APPBP2: variants seen among roughly 807,000 people sequenced by gnomAD.
The protein encoded by APPBP2 is amyloid beta precursor protein binding protein 2.
In APPBP2, 15 loss-of-function variants were observed where a neutral mutation model predicts 76.0. The ratio of observed to expected loss-of-function variants is 0.20; its 90% CI spans 0.13 to 0.30. The LOEUF is 0.30. Among genes scored for constraint, APPBP2 ranks in the 10% least tolerant of loss-of-function variants. APPBP2 has a pLI of 1.00. For synonymous variants in APPBP2, 222 were observed against 242.2 expected (o/e 0.92, Z 0.77); for missense variants, 401 against 687.2 (o/e 0.58, Z 4.66).
chr17:60,526,020 G>A lies in APPBP2; in HGVS notation c.-89C>T, dbSNP rs1439536362. 7.5e-7 allele frequency: 1 copy of A among 1,330,780 alleles called. No homozygotes were observed. Among genetic ancestry groups the A allele is most frequent in the African/African-American group, 1.5e-5 (1 of 67,326 alleles). The allele number at this position is 1,330,780 out of a possible 1,614,324, so 82.4% of individuals were successfully genotyped here. On this transcript the variant is annotated 5_prime_UTR_variant, in exon 1 of 13. Transcript: ENST00000083182. ...AGCGAACCCCTCTGCGGCCCCGGAG[G>A]ATTCGGAGGGGCGGTGGCAGCCACG...
At chr17:60,448,222 C>T (rs568798425) in intron 12 of APPBP2, among the ~76,000 whole-genome samples, 29 of 152,154 alleles carry the variant, frequency 1.9e-4, no homozygotes, top group Non-Finnish European at 3.2e-4. Context: ...GTGGGTGGAT[C>T]ACCTGAGGTC....
At chr17:60,489,243 G>T (rs1408962950) in intron 3 of APPBP2, among the ~76,000 whole-genome samples, 1 of 151,148 alleles carries the variant, frequency 6.6e-6, no homozygotes, top group Non-Finnish European at 1.5e-5. Flanking sequence ...AAGAAATAAT[G>T]AGGGTCCTTT....
intron 1 of APPBP2, among the ~76,000 whole-genome samples, chr17:60,510,977 A>G (rs1193336457): frequency 1.3e-5 from 2 of 152,124 alleles, no homozygotes; most frequent in African/African-American, 4.8e-5. Flanking sequence ...GGTTAAAAGA[A>G]TGAACTTATG....
intron 3 of APPBP2, among the ~76,000 whole-genome samples, chr17:60,480,370 T>C (rs2090619739): frequency 6.6e-6 from 1 of 152,128 alleles, no homozygotes; most frequent in African/African-American, 2.4e-5. Context: ...CAGCCAGACC[T>C]TGTCTCAAAC....
In APPBP2 at chr17:60,445,442, A is replaced by C. The variant is rs2143264429; in HGVS notation, c.*2139T>G. 1 of 148,624 alleles carries C rather than the reference A, an allele frequency of 6.7e-6. No individual in the cohort carries two copies. The highest frequency in any genetic ancestry group is 1.9e-4 in the East Asian group (1 of 5,190). The allele number at this position is 148,624 out of a possible 1,614,324, so 9.2% of individuals were successfully genotyped here. A position where few individuals can be genotyped will look rare whatever the true frequency, so the allele number is the denominator to read the frequency against. On this transcript the variant is annotated 3_prime_UTR_variant, in exon 13 of 13. Coordinates refer to ENST00000083182, the MANE Select transcript of APPBP2 (RefSeq NM_006380.5). ...ATGTGCACAAAACCAAAAAATACAGATTGAAAAAAAAACTTCATATGGAAA... is the reference window on the plus strand; with the variant it reads ...ATGTGCACAAAACCAAAAAATACAGCTTGAAAAAAAAACTTCATATGGAAA...
intron 2 of APPBP2, among the ~76,000 whole-genome samples, chr17:60,499,345 A>T (rs373071123): frequency 3.4e-4 from 51 of 152,026 alleles, no homozygotes; most frequent in African/African-American, 1.2e-3. Flanking sequence ...AAAAAAAAAA[A>T]ATATGGAAAA....
Position 60,525,739 on chromosome 17 carries a change from G to C in APPBP2, c.138+55C>G. ...GCGGGGGTTCGCAGACGTGGAAGGG[G>C]GTGCGGCCCCCGGGGTTGCTGGAGG... On this transcript the variant is annotated intron_variant, in intron 1 of 12. Coordinates refer to ENST00000083182, the MANE Select transcript of APPBP2 (RefSeq NM_006380.5). The C allele has an allele frequency of 2.5e-6, 4 of 1,608,964 alleles. 1 individual carries two copies. The South Asian group carries it at 4.4e-5, about 18-fold the overall frequency.
intron 1 of APPBP2, among the ~76,000 whole-genome samples, chr17:60,500,903 T>C (rs1022798801): frequency 1.3e-5 from 2 of 152,206 alleles, no homozygotes; most frequent in Admixed American, 6.5e-5. Flanking sequence ...CAGTCCTGGT[T>C]ATAACACGTC....
intron 1 of APPBP2, among the ~76,000 whole-genome samples, chr17:60,518,678 T>C (rs2090984665): frequency 6.6e-6 from 1 of 152,010 alleles, no homozygotes; most frequent in African/African-American, 2.4e-5. Flanking sequence ...TAATTTTTAA[T>C]TTTTTTGTAG....
At chr17:60,484,541 A>G (rs2090657457) in intron 3 of APPBP2, among the ~76,000 whole-genome samples, 1 of 152,290 alleles carries the variant, frequency 6.6e-6, no homozygotes, top group East Asian at 1.9e-4. Flanking sequence ...TTATTGGTGC[A>G]TAAGAATGCT....
At chr17:60,484,991 T>C (rs2090661731) in intron 3 of APPBP2, among the ~76,000 whole-genome samples, 1 of 152,228 alleles carries the variant, frequency 6.6e-6, no homozygotes, top group Non-Finnish European at 1.5e-5. Context: ...TGGTTCTGTT[T>C]ATGTTATGGA....
chr17:60,462,374 G>T, intron 6 of APPBP2: 1 of 239,506 alleles, frequency 4.2e-6, no homozygotes, highest in Non-Finnish European at 7.9e-6. Context: ...TAAAACAATG[G>T]GGGCAGAATT....
chr17:60,462,945 T>C (rs1253985999), intron 6 of APPBP2, among the ~76,000 whole-genome samples: 1 of 128,294 alleles, frequency 7.8e-6, no homozygotes, highest in Admixed American at 8.2e-5. Flanking sequence ...CAAGACTCCA[T>C]CTCAAAAAAA....
In APPBP2 at chr17:60,447,847, AG is replaced by A. The variant is rs1598343689; in HGVS notation, c.1505-14del. The A allele has an allele frequency of 1.9e-6, 3 of 1,555,742 alleles. No individual in the cohort carries two copies. The highest frequency in any genetic ancestry group is 2.3e-5 in the East Asian group (1 of 44,304). On this transcript the variant is annotated splice_polypyrimidine_tract_variant and intron_variant, in intron 12 of 12. Transcript: ENST00000083182. ...AAAAGTTTCTTCCCTGTAACAAAAA[AG>A]AAAAAGGAAAAAAAAAAAAGCACAA...
chr17:60,466,478 A>G lies in APPBP2; in HGVS notation c.504-19T>C, dbSNP rs764621930. The stretch of plus-strand genomic sequence containing the variant: ...AAGCAACCTATAAAACACCAATAAC[A>G]TTGCTCTATTTTTGATATTTTCAGC... On this transcript the variant is annotated intron_variant, in intron 4 of 12. Coordinates refer to ENST00000083182, the MANE Select transcript of APPBP2 (RefSeq NM_006380.5). 6 of 1,604,854 alleles carry G rather than the reference A, an allele frequency of 3.7e-6. No individual in the cohort carries two copies. The highest frequency in any genetic ancestry group is 1.7e-5 in the Admixed American group (1 of 59,694).
chr17:60,454,628 A>G, intron 10 of APPBP2, 136 bp from the exon 11 acceptor site: 2 of 530,240 alleles, frequency 3.8e-6, no homozygotes, highest in East Asian at 6.8e-5. Flanking sequence ...ACTGGTCAAG[A>G]TGAAAGAATT....
At chr17:60,472,204 T>C (rs1163058773) in intron 4 of APPBP2, among the ~76,000 whole-genome samples, 2 of 152,216 alleles carry the variant, frequency 1.3e-5, no homozygotes, top group East Asian at 3.8e-4. Context: ...GAAGTGTTCC[T>C]TCCTCTGCAA....
At chr17:60,469,213 C>T (rs1348760174) in intron 4 of APPBP2, among the ~76,000 whole-genome samples, 2 of 151,038 alleles carry the variant, frequency 1.3e-5, no homozygotes, top group East Asian at 2.0e-4. Context: ...GTAGTTCCAG[C>T]TACTTGGGAG....
intron 4 of APPBP2, among the ~76,000 whole-genome samples, chr17:60,468,674 G>C (rs1474286599): frequency 6.6e-6 from 1 of 152,142 alleles, no homozygotes; most frequent in East Asian, 1.9e-4. Context: ...GTGTCCATCT[G>C]GGCTGACACT....
Sources: gnomAD v4.1 joint callset for allele counts (sites outside exome capture counted in the v4.1 genomes callset) on GRCh38, gnomAD v4.1.1 for gene constraint, MANE v1.5 for transcripts, NCBI Gene and HGNC (gene_info 2026-07-23, HGNC 2026-07-21) for gene names.